RANBP17: variants seen among roughly 807,000 people sequenced by gnomAD.
The protein encoded by RANBP17 is ran-binding protein 17.
Under a neutral mutation model 141.2 loss-of-function variants are expected in RANBP17, and 158 were observed. The observed-to-expected ratio is 1.12, with a 90% CI of 0.98 to 1.28. The LOEUF (loss-of-function observed/expected upper bound fraction) is 1.28, where lower values mean the gene tolerates loss of function less well. Ranked by LOEUF, RANBP17 falls within the 50% of genes most tolerant of loss-of-function variation. The pLI, the probability that RANBP17 is intolerant of heterozygous loss-of-function variation, is 0.00. For synonymous variants in RANBP17, 430 were observed against 450.0 expected, an observed-to-expected ratio of 0.96 and a Z score of 0.56; for missense variants, 1,438 against 1,290.7, an observed-to-expected ratio of 1.11 and a Z score of -1.75.
chr5:170,919,401 A>G, intron 10 of RANBP17, 40 bp from the exon 11 acceptor site: 1 of 1,296,406 alleles, frequency 7.7e-7, no homozygotes, highest in Non-Finnish European at 1.1e-6. Context: ...TTGTAGGAAG[A>G]TGTAATATTT....
chr5:171,212,902 G>A (rs1175734470), intron 20 of RANBP17, among the ~76,000 whole-genome samples: 1 of 152,108 alleles, frequency 6.6e-6, no homozygotes, highest in Non-Finnish European at 1.5e-5. Context: ...AGGTTCTGAT[G>A]GCCTTCAGCA....
In RANBP17 at chr5:171,265,859, T is replaced by A. The variant is rs745669786; in HGVS notation, c.2943+12T>A. ...ATGTCCTGCAGCAGGTAACTGGTGG[T>A]TGATCACCTGGCTTAAGAAACAAGT... On this transcript the variant is annotated intron_variant, in intron 25 of 27. Transcript: ENST00000523189. 6.2e-7 allele frequency: 1 copy of A among 1,609,986 alleles called. No individual in the cohort carries two copies. The highest frequency in any genetic ancestry group is 1.1e-5 in the South Asian group (1 of 90,268).
intron 20 of RANBP17, chr5:171,206,325 T>G (rs1340708781): frequency 1.3e-5 from 2 of 158,230 alleles, no homozygotes; most frequent in Non-Finnish European, 2.8e-5. Flanking sequence ...TACAATTCAG[T>G]ATCATGGTAT....
intron 18 of RANBP17, among the ~76,000 whole-genome samples, chr5:171,185,420 A>T (rs1194305378): frequency 1.3e-5 from 2 of 152,226 alleles, no homozygotes; most frequent in Non-Finnish European, 2.9e-5. Flanking sequence ...GTTTGTTAGC[A>T]TTTGACCCAC....
intron 14 of RANBP17, among the ~76,000 whole-genome samples, chr5:171,054,098 C>A (rs1290784658): frequency 6.6e-6 from 1 of 151,620 alleles, no homozygotes; most frequent in East Asian, 1.9e-4. Context: ...CATAGAATAT[C>A]CTTTTTTATC....
intron 12 of RANBP17, among the ~76,000 whole-genome samples, chr5:170,944,935 T>C (rs578148003): frequency 6.6e-6 from 1 of 152,342 alleles, no homozygotes; most frequent in Non-Finnish European, 1.5e-5. Context: ...GTGCTCATCA[T>C]ACTGCATTGC....
chr5:171,027,780 T>C (rs540744044), intron 14 of RANBP17, among the ~76,000 whole-genome samples: 14 of 152,196 alleles, frequency 9.2e-5, no homozygotes, highest in Non-Finnish European at 1.6e-4. Context: ...ACCTAGTTTT[T>C]CCTGGTTATT....
chr5:171,226,672 G>T (rs954174041), intron 22 of RANBP17, among the ~76,000 whole-genome samples: 1 of 152,100 alleles, frequency 6.6e-6, no homozygotes, highest in Non-Finnish European at 1.5e-5. Context: ...TCCAGAAAAA[G>T]GGGGAAAGAG....
chr5:171,298,779 C>T lies in RANBP17; in HGVS notation c.3188C>T (p.Ser1063Phe). Residue 1063 changes from serine (S) to phenylalanine (F), a missense_variant, in exon 28 of 28, where the codon TCT becomes TTT. Ser to Phe is a radical substitution (Grantham distance 155, BLOSUM62 -2). Transcript: ENST00000523189. ...TTCTGCAGGTTCACCCAAAATCTGT[C>T]TGTATTCAGAAGAGATGTGGCAGAG... ...KNRDRFTQNLSVFRRDVAEAL... is the reference protein window; with the variant it reads ...KNRDRFTQNLFVFRRDVAEAL... The T allele has an allele frequency of 6.2e-7, 1 of 1,614,016 alleles. No homozygotes were observed. The highest frequency in any genetic ancestry group is 8.5e-7 in the Non-Finnish European group (1 of 1,179,864).
At chr5:171,134,524 A>G (rs1343380708) in intron 14 of RANBP17, among the ~76,000 whole-genome samples, 3 of 152,228 alleles carry the variant, frequency 2.0e-5, no homozygotes, top group Non-Finnish European at 4.4e-5. Flanking sequence ...GTAAGGGACT[A>G]AAAGTAGAAA....
At chr5:171,064,629 T>A (rs1298708031) in intron 14 of RANBP17, among the ~76,000 whole-genome samples, 1 of 152,198 alleles carries the variant, frequency 6.6e-6, no homozygotes, top group Non-Finnish European at 1.5e-5. Context: ...TCCAAGGAGC[T>A]GGGACTACAG....
At chr5:171,126,134 A>G (rs1287335573) in intron 14 of RANBP17, among the ~76,000 whole-genome samples, 1 of 152,184 alleles carries the variant, frequency 6.6e-6, no homozygotes, top group African/African-American at 2.4e-5. Flanking sequence ...TCTGACCACA[A>G]TGGGATAAAA....
At chr5:170,967,739 A>G (rs553735070) in intron 13 of RANBP17, among the ~76,000 whole-genome samples, 1 of 151,716 alleles carries the variant, frequency 6.6e-6, no homozygotes, top group Non-Finnish European at 1.5e-5. Context: ...TTTATTATTC[A>G]TTAAGGGCAG....
chr5:171,065,324 T>C (rs1172077460), intron 14 of RANBP17, among the ~76,000 whole-genome samples: 1 of 152,112 alleles, frequency 6.6e-6, no homozygotes, highest in Non-Finnish European at 1.5e-5. Flanking sequence ...GGGGACGGTT[T>C]TGGCATGAAA....
intron 24 of RANBP17, chr5:171,243,041 T>TA: frequency 1.9e-6 from 1 of 529,822 alleles, no homozygotes. Flanking sequence ...ATAATTTACA[T>TA]ACAATAAAAT....
intron 12 of RANBP17, among the ~76,000 whole-genome samples, chr5:170,945,373 G>C (rs553501601): frequency 6.6e-6 from 1 of 152,080 alleles, no homozygotes; most frequent in Non-Finnish European, 1.5e-5. Context: ...ACAGAACCAC[G>C]TTAAAAAGGG....
intron 14 of RANBP17, among the ~76,000 whole-genome samples, chr5:170,981,382 G>A (rs527369407): frequency 6.6e-6 from 1 of 152,256 alleles, no homozygotes; most frequent in African/African-American, 2.4e-5. Context: ...GGGTTTGGCT[G>A]TGTCCCCACC....
At chr5:171,231,738 T>C (rs1764222894) in intron 22 of RANBP17, among the ~76,000 whole-genome samples, 2 of 152,198 alleles carry the variant, frequency 1.3e-5, no homozygotes, top group Non-Finnish European at 2.9e-5. Context: ...TTACTTGGTA[T>C]GGCTCCATGG....
chr5:171,109,143 A>G (rs1755047058), intron 14 of RANBP17, among the ~76,000 whole-genome samples: 1 of 152,188 alleles, frequency 6.6e-6, no homozygotes, highest in Non-Finnish European at 1.5e-5. Context: ...GAAAAATACA[A>G]ATTTTTAAAA....
Sources: allele counts gnomAD v4.1 joint callset (sites outside exome capture counted in the v4.1 genomes callset), GRCh38; gene constraint gnomAD v4.1.1; transcripts MANE v1.5; gene names NCBI Gene and HGNC (gene_info 2026-07-23, HGNC 2026-07-21).